The following DLG2 variants were observed in gnomAD, a reference collection of about 807,000 sequenced individuals.
DLG2 encodes the protein discs large MAGUK scaffold protein 2.
DLG2 carries 45 observed loss-of-function variants against 132.5 expected under a neutral mutation model. The observed-to-expected ratio is 0.34, with a 90% confidence interval of 0.27 to 0.44. DLG2 has a LOEUF of 0.44. Among genes scored for constraint, DLG2 ranks in the 20% least tolerant of loss-of-function variants. The pLI, the probability that DLG2 is intolerant of heterozygous loss-of-function variation, is 1.00. For missense variants in DLG2, 1,045 were observed against 1,196.9 expected (o/e 0.87, Z 1.87); for synonymous variants, 424 against 419.6 (o/e 1.01, Z -0.13).
chr11:84,967,141 T>C (rs922395167), intron 6 of DLG2, among the ~76,000 whole-genome samples: 7 of 152,158 alleles, frequency 4.6e-5, no homozygotes, highest in Non-Finnish European at 1.0e-4. Context: ...TCCAGCTCAA[T>C]GTTTTTAAGA....
At chr11:83,706,582 G>A (rs1291840348) in intron 18 of DLG2, among the ~76,000 whole-genome samples, 1 of 152,200 alleles carries the variant, frequency 6.6e-6, no homozygotes, top group Admixed American at 6.5e-5. Context: ...CAGTGATCCT[G>A]AGAAGAGGAA....
intron 6 of DLG2, among the ~76,000 whole-genome samples, chr11:84,881,953 G>T (rs1033846041): frequency 2.6e-5 from 4 of 152,134 alleles, no homozygotes; most frequent in African/African-American, 9.6e-5. Context: ...TCTGTTTAAA[G>T]TTCTTAATAT....
intron 8 of DLG2, among the ~76,000 whole-genome samples, chr11:84,243,852 G>A (rs1181582157): frequency 6.6e-6 from 1 of 152,146 alleles, no homozygotes; most frequent in Non-Finnish European, 1.5e-5. Flanking sequence ...CTTACCCCCA[G>A]TCTCACGATG....
At chr11:83,923,028 C>T (rs1219860363) in intron 15 of DLG2, among the ~76,000 whole-genome samples, 4 of 151,862 alleles carry the variant, frequency 2.6e-5, no homozygotes, top group South Asian at 2.1e-4. Context: ...AGCCTATAAA[C>T]GTAATAATAA....
intron 3 of DLG2, among the ~76,000 whole-genome samples, chr11:85,493,694 G>T: frequency 1.4e-5 from 2 of 147,446 alleles, no homozygotes; most frequent in Admixed American, 1.4e-4. Flanking sequence ...GGGAGGGGAG[G>T]AGAGGGGAGA....
chr11:84,657,507 C>T (rs1168771781), intron 6 of DLG2, among the ~76,000 whole-genome samples: 4 of 152,098 alleles, frequency 2.6e-5, no homozygotes, highest in African/African-American at 9.7e-5. Context: ...TTGTGGAAGA[C>T]ATATTTTTTT....
intron 7 of DLG2, among the ~76,000 whole-genome samples, chr11:84,530,629 T>C (rs978056547): frequency 1.1e-4 from 16 of 152,158 alleles, no homozygotes; most frequent in African/African-American, 3.6e-4. Context: ...AAATAACAGA[T>C]GTTGGTGAGG....
At chr11:84,950,637 A>T (rs6592221) in intron 6 of DLG2, among the ~76,000 whole-genome samples, 107,077 of 151,978 alleles carry the variant, frequency 0.7, 39,002 homozygotes, top group East Asian at 0.95. Context: ...AAAACAGATA[A>T]CTTCCTTCTT....
At chr11:84,938,805 G>A (rs1240258212) in intron 6 of DLG2, among the ~76,000 whole-genome samples, 6 of 151,924 alleles carry the variant, frequency 3.9e-5, no homozygotes, top group African/African-American at 1.5e-4. Flanking sequence ...AGGTTATTAG[G>A]GGAAATGCTT....
intron 11 of DLG2, among the ~76,000 whole-genome samples, chr11:84,034,289 T>C (rs931662171): frequency 2.6e-5 from 4 of 152,076 alleles, no homozygotes; most frequent in East Asian, 1.9e-4. Context: ...TTATAAAGTA[T>C]TTTTTAATTA....
intron 4 of DLG2, among the ~76,000 whole-genome samples, chr11:85,262,776 C>G (rs2077010772): frequency 6.6e-6 from 1 of 152,282 alleles, no homozygotes; most frequent in East Asian, 1.9e-4. Context: ...TCTCCCTGTA[C>G]CTGGTTACAG....
chr11:83,676,411 T>C (rs2077698281), intron 18 of DLG2, among the ~76,000 whole-genome samples: 1 of 152,228 alleles, frequency 6.6e-6, no homozygotes, highest in Admixed American at 6.5e-5. Flanking sequence ...TTTTAAGTTA[T>C]AATCACCACT....
intron 3 of DLG2, among the ~76,000 whole-genome samples, chr11:85,459,332 G>A (rs189785722): frequency 8.5e-5 from 13 of 152,232 alleles, no homozygotes; most frequent in Admixed American, 2.0e-4. Context: ...GTGGGGGTTC[G>A]AGTGCTCACA....
chr11:84,146,323 T>A (rs1285680574), intron 9 of DLG2, among the ~76,000 whole-genome samples: 7 of 152,162 alleles, frequency 4.6e-5, no homozygotes, highest in Admixed American at 1.3e-4. Flanking sequence ...TAATTGTACA[T>A]TTTAAAATAA....
chr11:85,322,717 G>A (rs113451492), intron 3 of DLG2, among the ~76,000 whole-genome samples: 4,542 of 152,106 alleles, frequency 0.03, 92 homozygotes, highest in Middle Eastern at 0.062. Context: ...TCACCCAGTT[G>A]CTCTGTCAGA....
chr11:84,519,113 A>C (rs574110656), intron 7 of DLG2, among the ~76,000 whole-genome samples: 1 of 152,260 alleles, frequency 6.6e-6, no homozygotes, highest in Admixed American at 6.5e-5. Flanking sequence ...GCTACTCTTA[A>C]AATTTCAAAC....
At chr11:85,081,789 G>A (rs1355157234) in intron 6 of DLG2, among the ~76,000 whole-genome samples, 1 of 152,148 alleles carries the variant, frequency 6.6e-6, no homozygotes, top group Non-Finnish European at 1.5e-5. Context: ...CAAGCAGCTA[G>A]GGCCTGCTGT....
intron 21 of DLG2, among the ~76,000 whole-genome samples, chr11:83,499,712 C>T (rs949534783): frequency 6.7e-6 from 1 of 149,730 alleles, no homozygotes; most frequent in Non-Finnish European, 1.5e-5. Context: ...CCTTGCTCCT[C>T]AGCTTGCAGA....
intron 18 of DLG2, among the ~76,000 whole-genome samples, chr11:83,663,923 T>C (rs1190663898): frequency 2.6e-5 from 4 of 152,136 alleles, no homozygotes; most frequent in African/African-American, 9.7e-5. Context: ...TTCATTGTAA[T>C]GTATTAAAAA....
Sources: allele counts gnomAD v4.1 joint callset (sites outside exome capture counted in the v4.1 genomes callset), GRCh38; gene constraint gnomAD v4.1.1; transcripts MANE v1.5; gene names NCBI Gene and HGNC (gene_info 2026-07-23, HGNC 2026-07-21).